The following USP48 variants were observed in gnomAD, a reference collection of about 807,000 sequenced individuals.
USP48 encodes the protein ubiquitin carboxyl-terminal hydrolase 48.
Under a neutral mutation model 150.7 loss-of-function variants are expected in USP48, and 43 were observed. The ratio of observed to expected loss-of-function variants is 0.29; its 90% CI spans 0.22 to 0.37. The LOEUF (loss-of-function observed/expected upper bound fraction) is 0.37. Ranked by LOEUF, USP48 falls within the 10% of genes least tolerant of loss-of-function variation. The pLI is 1.00. For synonymous variants in USP48, 396 were observed against 425.9 expected, an observed-to-expected ratio of 0.93 and a Z score of 0.86; for missense variants, 813 against 1,249.6, an observed-to-expected ratio of 0.65 and a Z score of 5.27.
chr1:21,748,670 G>C (rs1348893346), intron 6 of USP48, among the ~76,000 whole-genome samples: 1 of 152,250 alleles, frequency 6.6e-6, no homozygotes, highest in African/African-American at 2.4e-5. Flanking sequence ...CAACACTTTG[G>C]GAGGCCGAGG....
chr1:21,695,460 T>C (rs1461665142), intron 22 of USP48, among the ~76,000 whole-genome samples: 2 of 152,370 alleles, frequency 1.3e-5, no homozygotes, highest in South Asian at 2.1e-4. Context: ...TAAATGTTTG[T>C]TACAAGAGAC....
chr1:21,715,430 T>G lies in USP48; in HGVS notation c.1922A>C (p.Glu641Ala). The G allele has an allele frequency of 6.3e-7, 1 of 1,586,898 alleles. No homozygotes were observed. The highest frequency in any genetic ancestry group is 8.6e-7 in the Non-Finnish European group (1 of 1,156,650). Residue 641 changes from glutamate (E) to alanine (A), a missense_variant, in exon 15 of 27, where the codon GAG becomes GCG. By Grantham distance (107) the Glu-to-Ala change is moderately radical. Coordinates refer to ENST00000308271, the MANE Select transcript of USP48 (RefSeq NM_032236.8). ...KDESKEERKE[E>A]EELNFNEDIL... ...ATCTTCATTAAAATTTAATTCCTCC[T>G]CTTCTTTTCTTTCTTCCTTTGATTC...
intron 22 of USP48, 44 bp from the exon 23 acceptor site, chr1:21,695,265 C>T (rs1456368592): frequency 6.5e-7 from 1 of 1,530,614 alleles, no homozygotes; most frequent in Non-Finnish European, 8.8e-7. Flanking sequence ...AAATTAACCA[C>T]AATGTGACCC....
chr1:21,753,731 G>T (rs1475197475), intron 3 of USP48, among the ~76,000 whole-genome samples: 5 of 149,170 alleles, frequency 3.4e-5, no homozygotes, highest in Non-Finnish European at 7.4e-5. Flanking sequence ...GGAGGCTGGG[G>T]TTCAAGGATA....
rs746643079 is a variant in USP48 at position 21,680,837 on chromosome 1, G to GA, written c.3059-4dup. The GA allele has an allele frequency of 8.2e-6, 13 of 1,576,210 alleles. No homozygotes were observed. The highest frequency in any genetic ancestry group is 2.3e-5 in the East Asian group (1 of 43,478). On this transcript the variant is annotated splice_polypyrimidine_tract_variant and splice_region_variant and intron_variant, in intron 25 of 26. Transcript: ENST00000308271. ...AAACCCTTCTTCTGGCATACAAACTGAAAAAAAGAAAAAAAGAAGAATTCC... is the reference window on the plus strand; with the variant it reads ...AAACCCTTCTTCTGGCATACAAACTGAAAAAAAAGAAAAAAAGAAGAATTCC...
chr1:21,713,115 T>C (rs1304891887), intron 15 of USP48, among the ~76,000 whole-genome samples: 3 of 152,084 alleles, frequency 2.0e-5, no homozygotes, highest in Non-Finnish European at 4.4e-5. Flanking sequence ...TTTTTTGTTT[T>C]GTTTTGAGAC....
Position 21,706,786 on chromosome 1 carries a change from A to G in USP48, c.2046T>C (p.Ala682=). Residue 682 remains alanine (A), a synonymous_variant, in exon 16 of 27, where the codon GCT becomes GCC. Transcript: ENST00000308271. ...ACTCTTTGTAACTTGGAAACTCAGG[A>G]GCCTTTGGAAAGTACTGCTGCAGTT... ...WSKLQQYFPK[A]PEFPSYKECC... is the part of the protein sequence containing the mutation. The G allele has an allele frequency of 6.2e-7, 1 of 1,613,398 alleles. No homozygotes were observed. The highest frequency in any genetic ancestry group is 8.5e-7 in the Non-Finnish European group (1 of 1,179,884).
chr1:21,711,191 C>T (rs1557471097), intron 15 of USP48, among the ~76,000 whole-genome samples: 1 of 151,984 alleles, frequency 6.6e-6, no homozygotes, highest in African/African-American at 2.4e-5. Flanking sequence ...GTTAATGAGA[C>T]ACAATAAAAA....
At chr1:21,706,252 T>G in intron 17 of USP48, 65 bp from the exon 18 acceptor site, 1 of 1,569,058 alleles carries the variant, frequency 6.4e-7, no homozygotes, top group South Asian at 1.1e-5. Flanking sequence ...AAATTCCTTA[T>G]AATATACTTT....
intron 8 of USP48, among the ~76,000 whole-genome samples, chr1:21,741,510 GACCCTT>G (rs1323551724): frequency 6.6e-6 from 1 of 152,168 alleles, no homozygotes; most frequent in Non-Finnish European, 1.5e-5. Flanking sequence ...TTCACCCACA[GACCCTT>G]ACTAAAAGAA....
intron 10 of USP48, 112 bp downstream of exon 10, chr1:21,729,592 C>T: frequency 1.5e-6 from 2 of 1,301,782 alleles, no homozygotes; most frequent in Non-Finnish European, 2.1e-6. Context: ...CAACATTCAC[C>T]TTATGGAATC....
chr1:21,756,465 A>C (rs1264932357), intron 3 of USP48, 81 bp downstream of exon 3: 56 of 1,428,156 alleles, frequency 3.9e-5, no homozygotes, highest in Non-Finnish European at 4.5e-5. Context: ...TGGGAAACAG[A>C]GGAAGACTCA....
chr1:21,747,436 G>A (rs1444989015), intron 7 of USP48, among the ~76,000 whole-genome samples: 1 of 152,184 alleles, frequency 6.6e-6, no homozygotes. Context: ...ATGCACATGT[G>A]CAAACATTGC....
intron 1 of USP48, among the ~76,000 whole-genome samples, chr1:21,767,860 C>T (rs1337933417): frequency 6.6e-6 from 1 of 152,074 alleles, no homozygotes; most frequent in Admixed American, 6.5e-5. Flanking sequence ...CATGTAATGC[C>T]TCATGGCATT....
At chr1:21,693,705 T>A (rs1482225966) in intron 23 of USP48, among the ~76,000 whole-genome samples, 1 of 152,148 alleles carries the variant, frequency 6.6e-6, no homozygotes, top group Non-Finnish European at 1.5e-5. Context: ...ATGTTCGAGG[T>A]TTCCCAATGA....
At chr1:21,679,497 G>T (rs1263367165) in intron 26 of USP48, 58 bp from the exon 27 acceptor site, 2 of 1,598,574 alleles carry the variant, frequency 1.3e-6, no homozygotes, top group Non-Finnish European at 1.7e-6. Flanking sequence ...AAAGTTCATG[G>T]ATTCCATTTA....
rs187940708 is a variant in USP48, at chr1:21,718,915, G to T, written c.1894+2121C>A. On this transcript the variant is annotated intron_variant, in intron 14 of 26. Coordinates refer to ENST00000308271, the MANE Select transcript of USP48 (RefSeq NM_032236.8). ...CGGTTTTTCAAATGACAGGATACTA[G>T]AACTCAAATTGATGTTAAGTTCATG... is the stretch of plus-strand genomic sequence containing the variant. Among the ~76,000 whole-genome samples the T allele has an allele frequency of 2.0e-5, 3 of 152,172 alleles. No individual in the cohort carries two copies. In the East Asian group the frequency reaches 5.8e-4, roughly 29 times the overall value.
chr1:21,717,533 C>T (rs1437107033), intron 14 of USP48, among the ~76,000 whole-genome samples: 1 of 152,162 alleles, frequency 6.6e-6, no homozygotes, highest in Non-Finnish European at 1.5e-5. Flanking sequence ...ATAATTCTGT[C>T]TCCTCTTTTT....
intron 19 of USP48, 132 bp from the exon 20 acceptor site, chr1:21,704,524 G>T: frequency 1.0e-6 from 1 of 988,876 alleles, no homozygotes; most frequent in Non-Finnish European, 1.4e-6. Context: ...GAAAAGATAC[G>T]TATCATCAAC....
Sources: gnomAD v4.1 joint callset for allele counts (sites outside exome capture counted in the v4.1 genomes callset) on GRCh38, gnomAD v4.1.1 for gene constraint, MANE v1.5 for transcripts, NCBI Gene and HGNC (gene_info 2026-07-23, HGNC 2026-07-21) for gene names.